DTNA: variants seen among roughly 807,000 people sequenced by gnomAD.
DTNA encodes the protein dystrophin-related protein 3.
DTNA carries 43 observed loss-of-function variants against 100.7 expected under a neutral mutation model. The ratio of observed to expected loss-of-function variants is 0.43; its 90% CI spans 0.33 to 0.55. The LOEUF is 0.55. Ranked by LOEUF, DTNA falls within the 20% of genes least tolerant of loss-of-function variation. DTNA has a pLI of 0.04. For missense variants in DTNA, 798 were observed against 953.9 expected (o/e 0.84, Z 2.15); for synonymous variants, 349 against 347.9 (o/e 1.00, Z -0.04).
At chr18:34,847,742 A>G (rs2096405938) in intron 13 of DTNA, among the ~76,000 whole-genome samples, 1 of 152,190 alleles carries the variant, frequency 6.6e-6, no homozygotes, top group Non-Finnish European at 1.5e-5. Context: ...GATGGAAGCC[A>G]TGGTCTTTTT....
At chr18:34,765,149 T>C (rs1170867536) in intron 2 of DTNA, among the ~76,000 whole-genome samples, 1 of 152,098 alleles carries the variant, frequency 6.6e-6, no homozygotes, top group African/African-American at 2.4e-5. Flanking sequence ...GAGCAGAGCT[T>C]TTAGACCTGA....
intron 14 of DTNA, among the ~76,000 whole-genome samples, chr18:34,851,181 G>T (rs1162088100): frequency 6.6e-6 from 1 of 152,136 alleles, no homozygotes; most frequent in African/African-American, 2.4e-5. Context: ...TCAGCTCACT[G>T]CAACCTCCAC....
intron 1 of DTNA, among the ~76,000 whole-genome samples, chr18:34,525,829 G>A (rs2042561217): frequency 6.6e-6 from 1 of 152,102 alleles, no homozygotes; most frequent in African/African-American, 2.4e-5. Flanking sequence ...TGTCTTCTAG[G>A]AATTTTAAAT....
intron 1 of DTNA, among the ~76,000 whole-genome samples, chr18:34,500,254 A>C (rs1051599922): frequency 1.3e-5 from 2 of 152,096 alleles, no homozygotes; most frequent in Non-Finnish European, 2.9e-5. Flanking sequence ...TTTGGGATTA[A>C]GTCTGGTACA....
chr18:34,815,203 T>A (rs1007199551), intron 6 of DTNA, among the ~76,000 whole-genome samples: 5 of 152,144 alleles, frequency 3.3e-5, no homozygotes, highest in African/African-American at 1.2e-4. Flanking sequence ...AAATATGTAT[T>A]TTTTTATTTA....
At chr18:34,567,068 T>A (rs970324164) in intron 1 of DTNA, among the ~76,000 whole-genome samples, 1 of 152,166 alleles carries the variant, frequency 6.6e-6, no homozygotes, top group Admixed American at 6.5e-5. Context: ...AATTCCATGT[T>A]AAGGAGTGGT....
At chr18:34,835,531 G>T (rs2096121444) in intron 11 of DTNA, among the ~76,000 whole-genome samples, 1 of 152,018 alleles carries the variant, frequency 6.6e-6, no homozygotes, top group African/African-American at 2.4e-5. Context: ...GGAGAGACAG[G>T]CAAGTGGAGT....
intron 1 of DTNA, among the ~76,000 whole-genome samples, chr18:34,502,435 T>C (rs2040026480): frequency 6.6e-6 from 1 of 152,208 alleles, no homozygotes; most frequent in Non-Finnish European, 1.5e-5. Flanking sequence ...TCTATATTCT[T>C]GACAGGGAGC....
intron 1 of DTNA, among the ~76,000 whole-genome samples, chr18:34,558,733 T>C (rs1382934323): frequency 6.6e-6 from 1 of 152,042 alleles, no homozygotes; most frequent in African/African-American, 2.4e-5. Context: ...CTTAATGAAA[T>C]TGAGAGCCAG....
At chr18:34,836,449 T>C (rs1469667002) in intron 11 of DTNA, among the ~76,000 whole-genome samples, 1 of 151,942 alleles carries the variant, frequency 6.6e-6, no homozygotes, top group Non-Finnish European at 1.5e-5. Flanking sequence ...GGTCGGGAGT[T>C]CGAGACCAGC....
At chr18:34,610,522 A>G (rs1352210088) in intron 1 of DTNA, among the ~76,000 whole-genome samples, 1 of 152,208 alleles carries the variant, frequency 6.6e-6, no homozygotes, top group Non-Finnish European at 1.5e-5. Context: ...CTTTTGTGCC[A>G]ATAGCATGTA....
At position 34,526,842 on chromosome 18, in the gene DTNA, C is replaced by A. The variant is rs535198354; in HGVS notation, c.-2+33328C>A. Among the ~76,000 whole-genome samples the A allele has an allele frequency of 4.6e-5, 7 of 152,028 alleles. No individual in the cohort carries two copies. The South Asian group carries it at 1.5e-3, about 32-fold the overall frequency. On this transcript the variant is annotated intron_variant, in intron 1 of 19. Coordinates refer to the DTNA transcript ENST00000283365. The stretch of plus-strand genomic sequence containing the variant: ...TTTTATGGAGGCTATTACTTTTTTT[C>A]AGTTTACGTTTTCATTTAAAGCTGA...
chr18:34,661,556 C>T (rs960216227), intron 1 of DTNA, among the ~76,000 whole-genome samples: 4 of 152,190 alleles, frequency 2.6e-5, no homozygotes, highest in African/African-American at 9.7e-5. Context: ...GTTCACATCT[C>T]ACACATAACA....
At chr18:34,763,770 G>A (rs1304634763) in intron 2 of DTNA, among the ~76,000 whole-genome samples, 1 of 152,140 alleles carries the variant, frequency 6.6e-6, no homozygotes, top group East Asian at 1.9e-4. Flanking sequence ...TTCAAACCAT[G>A]CTTGATCATA....
At chr18:34,525,841 A>T (rs2042561994) in intron 1 of DTNA, among the ~76,000 whole-genome samples, 1 of 152,202 alleles carries the variant, frequency 6.6e-6, no homozygotes, top group Admixed American at 6.6e-5. Flanking sequence ...ATTTTAAATT[A>T]TCCACAAATC....
chr18:34,494,422 T>C (rs955179903), intron 1 of DTNA, among the ~76,000 whole-genome samples: 19 of 152,116 alleles, frequency 1.2e-4, no homozygotes, highest in South Asian at 1.0e-3. Flanking sequence ...TTATAGCCTG[T>C]TGCCCACTTC....
At chr18:34,617,627 G>T (rs1168595893) in intron 1 of DTNA, among the ~76,000 whole-genome samples, 1 of 152,154 alleles carries the variant, frequency 6.6e-6, no homozygotes, top group Non-Finnish European at 1.5e-5. Flanking sequence ...TCACGATGAT[G>T]CTGGTCTCAC....
intron 1 of DTNA, among the ~76,000 whole-genome samples, chr18:34,585,553 G>A (rs1005546431): frequency 6.6e-6 from 1 of 152,178 alleles, no homozygotes; most frequent in Non-Finnish European, 1.5e-5. Context: ...GGAAGCATGT[G>A]TGTGCTCATG....
intron 15 of DTNA, among the ~76,000 whole-genome samples, chr18:34,857,654 G>T (rs752374508): frequency 6.6e-6 from 1 of 152,060 alleles, no homozygotes; most frequent in Admixed American, 6.6e-5. Flanking sequence ...CTTTTTAAAA[G>T]CACTTTCCTT....
Sources: gnomAD v4.1 joint callset for allele counts (sites outside exome capture counted in the v4.1 genomes callset) on GRCh38, gnomAD v4.1.1 for gene constraint, MANE v1.5 for transcripts, NCBI Gene and HGNC (gene_info 2026-07-23, HGNC 2026-07-21) for gene names.